Variants in DOCK4 observed in about 807,000 individuals in gnomAD.
DOCK4 encodes dedicator of cytokinesis 4.
A neutral mutation model predicts 268.1 loss-of-function variants in DOCK4; 97 were observed. That is an observed-to-expected ratio of 0.36 (90% CI 0.31 to 0.43). The LOEUF is 0.43. DOCK4 is among the 20% of genes least tolerant of loss of function. The probability of loss-of-function intolerance (pLI) is 1.00; values close to 1 mark genes in which losing one functional copy is unlikely to be tolerated. For synonymous variants in DOCK4, 954 were observed against 887.2 expected (o/e 1.08, Z -1.34); for missense variants, 2,145 against 2,455.7 (o/e 0.87, Z 2.67).
At chr7:112,205,520 G>A (rs922340728) in intron 1 of DOCK4, among the ~76,000 whole-genome samples, 1 of 152,140 alleles carries the variant, frequency 6.6e-6, no homozygotes, top group African/African-American at 2.4e-5. Context: ...GGATCGCAGA[G>A]AGGGAGGAGG....
At chr7:112,184,498 A>G (rs571599327) in intron 1 of DOCK4, among the ~76,000 whole-genome samples, 1 of 152,250 alleles carries the variant, frequency 6.6e-6, no homozygotes, top group South Asian at 2.1e-4. Context: ...AATAGTGCAT[A>G]TTCTGCAACT....
At chr7:111,990,786 TG>T (rs1799459003) in intron 5 of DOCK4, among the ~76,000 whole-genome samples, 1 of 152,372 alleles carries the variant, frequency 6.6e-6, no homozygotes, top group East Asian at 1.9e-4. Context: ...TGTAATTAAC[TG>T]CTCAATGTCC....
intron 41 of DOCK4, 116 bp downstream of exon 41, chr7:111,758,508 G>C (rs1435583308): frequency 8.5e-7 from 1 of 1,172,992 alleles, no homozygotes; most frequent in Non-Finnish European, 1.2e-6. Flanking sequence ...GATTTATATA[G>C]TCCCTTCTGT....
At position 111,901,781 on chromosome 7, in the gene DOCK4, A is replaced by G. The variant is rs1791171578; in HGVS notation, c.1213T>C (p.Tyr405His). ...AATTCTCCCCTTTCAATAGTGATATATAAATCATTCCTCATTTCACCTATA... is the reference window on the plus strand; with the variant it reads ...AATTCTCCCCTTTCAATAGTGATATGTAAATCATTCCTCATTTCACCTATA... ...IMPGEMRNDL[Y>H]ITIERGEFEK... The change falls in exon 14 of 53, where the codon TAT (tyrosine) becomes CAT (histidine). Residue 405 changes from tyrosine (Y) to histidine (H), a missense_variant. This residue lies in a region of DOCK4 where 1,598 missense variants were observed against 1,986.7 expected (regional missense o/e 0.80). Transcript: ENST00000428084. 6.3e-7 allele frequency: 1 copy of G among 1,584,798 alleles called. No homozygotes were observed. The highest frequency in any genetic ancestry group is 8.7e-7 in the Non-Finnish European group (1 of 1,155,958).
intron 8 of DOCK4, among the ~76,000 whole-genome samples, chr7:111,954,143 T>C (rs1206920611): frequency 6.6e-6 from 1 of 152,148 alleles, no homozygotes; most frequent in African/African-American, 2.4e-5. Context: ...ACTAAGAATG[T>C]ATGAGTGTTA....
intron 1 of DOCK4, among the ~76,000 whole-genome samples, chr7:112,110,165 C>T (rs2115671484): frequency 6.6e-6 from 1 of 152,304 alleles, no homozygotes; most frequent in South Asian, 2.1e-4. Context: ...CTATTGTTTT[C>T]TTTCATTAAA....
intron 1 of DOCK4, among the ~76,000 whole-genome samples, chr7:112,105,872 G>T (rs1466078927): frequency 6.6e-6 from 1 of 151,850 alleles, no homozygotes; most frequent in Non-Finnish European, 1.5e-5. Context: ...AAAAATTTTT[G>T]TAGAGACAGG....
At position 111,849,143 on chromosome 7, in the gene DOCK4, T is replaced by C. The variant is rs547577739; in HGVS notation, c.2474-2017A>G. On this transcript the variant is annotated intron_variant, in intron 23 of 52. Coordinates refer to ENST00000428084, the MANE Select transcript of DOCK4 (RefSeq NM_001363540.2). ...TGGTTCTTGTGTTTCATTCCTTTGT[T>C]ACTTTGTGAGTTTTGCCGAATTCTT... Among the ~76,000 whole-genome samples, 11 of 152,356 alleles carry C rather than the reference T, an allele frequency of 7.2e-5. No homozygotes were observed. The South Asian group carries it at 2.3e-3, about 32-fold the overall frequency.
At chr7:111,754,553 T>A (rs565489949) in intron 42 of DOCK4, among the ~76,000 whole-genome samples, 2 of 152,316 alleles carry the variant, frequency 1.3e-5, no homozygotes, top group South Asian at 4.1e-4. Context: ...ACATTATTAT[T>A]TCTGCAGTGA....
intron 13 of DOCK4, among the ~76,000 whole-genome samples, chr7:111,915,317 C>A (rs985766076): frequency 2.0e-5 from 3 of 152,120 alleles, no homozygotes; most frequent in Admixed American, 2.0e-4. Flanking sequence ...TATAGAAGTA[C>A]ATATAATATT....
intron 1 of DOCK4, among the ~76,000 whole-genome samples, chr7:112,021,689 T>C (rs1802332184): frequency 6.6e-6 from 1 of 152,210 alleles, no homozygotes. Context: ...TTCCTTCAAG[T>C]TTATGTATTT....
At chr7:112,184,051 G>C (rs1437828447) in intron 1 of DOCK4, among the ~76,000 whole-genome samples, 1 of 152,134 alleles carries the variant, frequency 6.6e-6, no homozygotes, top group Non-Finnish European at 1.5e-5. Context: ...CATTATCAGT[G>C]ACCCTTTCTC....
At chr7:111,753,005 T>TGGGGGG (rs5886603) in intron 42 of DOCK4, among the ~76,000 whole-genome samples, 8 of 105,162 alleles carry the variant, frequency 7.6e-5, no homozygotes, top group Admixed American at 1.1e-4. Context: ...GATAAGCTAT[T>TGGGGGG]GGGGGGGGGG....
Position 111,836,856 on chromosome 7 carries a change from TAAAAAG to T in DOCK4, c.2737-2176_2737-2171del, listed in dbSNP as rs533080310. Among the ~76,000 whole-genome samples the T allele has an allele frequency of 5.3e-3, 805 of 150,726 alleles. 3 individuals carry two copies. The highest frequency in any genetic ancestry group is 7.8e-3 in the Non-Finnish European group (528 of 67,580). ...AAAGCATAGACAGAAAAAACTGAAA[TAAAAAG>T]AAAAACAGAAAAAAGCATCAGTGAA... On this transcript the variant is annotated intron_variant, in intron 25 of 52. Transcript: ENST00000428084.
chr7:111,815,060 C>A (rs896503925), intron 27 of DOCK4, among the ~76,000 whole-genome samples: 1 of 152,006 alleles, frequency 6.6e-6, no homozygotes, highest in African/African-American at 2.4e-5. Context: ...CACAGCCAAT[C>A]AAAATTAAAT....
intron 30 of DOCK4, among the ~76,000 whole-genome samples, chr7:111,795,715 C>T (rs1586010419): frequency 6.6e-6 from 1 of 152,150 alleles, no homozygotes; most frequent in Admixed American, 6.5e-5. Context: ...GCACCAGTAC[C>T]CTCTGTCAAA....
chr7:111,926,438 C>CAGAG (rs71524824), intron 12 of DOCK4, among the ~76,000 whole-genome samples: 720 of 62,650 alleles, frequency 0.011, 12 homozygotes, highest in Non-Finnish European at 0.014. Context: ...AAAAGAAAGA[C>CAGAG]AGAGAGAGAG....
intron 36 of DOCK4, among the ~76,000 whole-genome samples, chr7:111,770,236 A>G (rs1422989688): frequency 1.5e-5 from 2 of 136,868 alleles, no homozygotes; most frequent in African/African-American, 3.6e-5. Context: ...AAAAAAAAAA[A>G]AAAAGAAAAA....
intron 12 of DOCK4, among the ~76,000 whole-genome samples, chr7:111,934,523 G>GTTTTTTTTTTTTTTTTTTTT (rs1183672033): frequency 1.2e-4 from 10 of 83,868 alleles, no homozygotes; most frequent in Non-Finnish European, 1.9e-4. Flanking sequence ...TTTTGTTTTT[G>GTTTTTTTTTTTTTTTTTTTT]TTTTTTTTTT....
Sources: gnomAD v4.1 joint callset for allele counts (sites outside exome capture counted in the v4.1 genomes callset) on GRCh38, gnomAD v4.1.1 for gene constraint, gnomAD v4.1.1 regional missense constraint, MANE v1.5 for transcripts, NCBI Gene and HGNC (gene_info 2026-07-23, HGNC 2026-07-21) for gene names.